Variants in CFAP299 observed in about 807,000 individuals in gnomAD.
The protein encoded by CFAP299 is cilia- and flagella-associated protein 299.
Under a neutral mutation model 27.0 loss-of-function variants are expected in CFAP299, and 21 were observed. The observed-to-expected ratio is 0.78, with a 90% CI of 0.55 to 1.12. CFAP299 has a LOEUF of 1.12. Ranked by LOEUF, CFAP299 falls within the 50% of genes most tolerant of loss-of-function variation. The pLI, the probability that CFAP299 is intolerant of heterozygous loss-of-function variation, is 0.00. For missense variants in CFAP299, 310 were observed against 276.6 expected, an observed-to-expected ratio of 1.12 and a Z score of -0.86; for synonymous variants, 104 against 98.1, an observed-to-expected ratio of 1.06 and a Z score of -0.36.
intron 3 of CFAP299, among the ~76,000 whole-genome samples, chr4:80,587,683 C>A (rs751735333): frequency 9.9e-5 from 15 of 152,110 alleles, no homozygotes; most frequent in Admixed American, 3.3e-4. Flanking sequence ...GCCAAGATCT[C>A]CTGGGCTCAA....
In CFAP299 at chr4:80,785,410, A is replaced by G. The variant is rs1406106438; in HGVS notation, c.334-84583A>G. 2.0e-5 allele frequency among the ~76,000 whole-genome samples: 3 copies of G among 152,120 alleles called. 1 individual carries two copies. Among genetic ancestry groups the G allele is most frequent in the South Asian group, 4.1e-4 (2 of 4,822 alleles). ...TGTTCTCTTAACCATCAAGTCTATAATTCTTCTTCCAGAGTATCTGTAGGG... is the reference window on the plus strand; with the variant it reads ...TGTTCTCTTAACCATCAAGTCTATAGTTCTTCTTCCAGAGTATCTGTAGGG... On this transcript the variant is annotated intron_variant, in intron 3 of 5. Transcript: ENST00000358105.
intron 2 of CFAP299, among the ~76,000 whole-genome samples, chr4:80,372,948 C>T (rs955707179): frequency 1.4e-4 from 22 of 152,176 alleles, no homozygotes; most frequent in Admixed American, 1.1e-3. Flanking sequence ...TATCTGAAGA[C>T]ACATTAGTCT....
At chr4:80,779,877 T>C (rs1164312649) in intron 3 of CFAP299, among the ~76,000 whole-genome samples, 1 of 152,026 alleles carries the variant, frequency 6.6e-6, no homozygotes, top group Non-Finnish European at 1.5e-5. Context: ...CAAAATTCAG[T>C]ATGTAAGAGA....
intron 4 of CFAP299, among the ~76,000 whole-genome samples, chr4:80,937,907 G>T (rs1287211124): frequency 6.6e-6 from 1 of 151,768 alleles, no homozygotes; most frequent in African/African-American, 2.4e-5. Context: ...CTGGTGTTTT[G>T]TTTTTTGTAT....
At chr4:80,934,481 G>A (rs1476032738) in intron 4 of CFAP299, among the ~76,000 whole-genome samples, 2 of 151,386 alleles carry the variant, frequency 1.3e-5, no homozygotes, top group South Asian at 4.2e-4. Flanking sequence ...AAAAGGATTG[G>A]TATTAATTTT....
intron 2 of CFAP299, among the ~76,000 whole-genome samples, chr4:80,407,091 G>A (rs57686880): frequency 0.19 from 28,857 of 151,780 alleles, 2,915 homozygotes; most frequent in South Asian, 0.29. Context: ...ATTAACTGGT[G>A]TTATCACTGA....
At chr4:80,743,261 C>T (rs1215853071) in intron 3 of CFAP299, among the ~76,000 whole-genome samples, 2 of 151,700 alleles carry the variant, frequency 1.3e-5, no homozygotes, top group African/African-American at 2.4e-5. Context: ...AAAAAAAGTA[C>T]TTGTTATTGC....
chr4:80,329,581 C>T, the CFAP299 span, among the ~76,000 whole-genome samples: 1 of 152,024 alleles, frequency 6.6e-6, no homozygotes, highest in Non-Finnish European at 1.5e-5. Context: ...GAATCTGTAG[C>T]CAAAGAATAT....
chr4:80,791,870 A>G (rs1265525343), intron 3 of CFAP299, among the ~76,000 whole-genome samples: 1 of 151,798 alleles, frequency 6.6e-6, no homozygotes, highest in African/African-American at 2.4e-5. Flanking sequence ...ATATATCTGT[A>G]TGTTTGAAAT....
chr4:80,529,704 C>A (rs1733371054), intron 2 of CFAP299, among the ~76,000 whole-genome samples: 1 of 151,712 alleles, frequency 6.6e-6, no homozygotes, highest in South Asian at 2.1e-4. Context: ...CTGAAGATTC[C>A]TTGCTCAGCT....
At chr4:80,883,708 T>C (rs1224191674) in intron 4 of CFAP299, among the ~76,000 whole-genome samples, 1 of 152,142 alleles carries the variant, frequency 6.6e-6, no homozygotes, top group East Asian at 1.9e-4. Context: ...AATAGAGTGA[T>C]ACAGAAGCGA....
At chr4:80,875,301 C>A (rs1286124887) in intron 4 of CFAP299, among the ~76,000 whole-genome samples, 1 of 152,158 alleles carries the variant, frequency 6.6e-6, no homozygotes, top group African/African-American at 2.4e-5. Context: ...AAAATTGTGT[C>A]AATGTTTCAG....
At chr4:80,800,603 T>C (rs1220106832) in intron 3 of CFAP299, among the ~76,000 whole-genome samples, 1 of 96,540 alleles carries the variant, frequency 1.0e-5, no homozygotes, top group East Asian at 2.6e-4. Context: ...TATATTAATA[T>C]AAATATATAA....
At chr4:80,640,023 G>A (rs1338751365) in intron 3 of CFAP299, among the ~76,000 whole-genome samples, 1 of 152,116 alleles carries the variant, frequency 6.6e-6, no homozygotes, top group African/African-American at 2.4e-5. Context: ...TGGTGAAAAA[G>A]TTCTGGAGAT....
At position 80,739,496 on chromosome 4, in the gene CFAP299, A is replaced by G. The variant is rs149157837; in HGVS notation, c.334-130497A>G. On this transcript the variant is annotated intron_variant, in intron 3 of 5. Coordinates refer to ENST00000358105, the MANE Select transcript of CFAP299 (RefSeq NM_152770.3). ...TTGTTTGTTTCGTTCATCATTTTAA[A>G]TATGTCATGCCACTTTCTCTTGGCC... Among the ~76,000 whole-genome samples, 768 of 152,132 alleles carry G rather than the reference A, an allele frequency of 5.0e-3. 4 individuals are homozygous for G. The highest frequency in any genetic ancestry group is 0.02 in the Middle Eastern group (6 of 294).
At chr4:80,419,472 A>C (rs942878358) in intron 2 of CFAP299, among the ~76,000 whole-genome samples, 1 of 152,142 alleles carries the variant, frequency 6.6e-6, no homozygotes, top group Non-Finnish European at 1.5e-5. Flanking sequence ...AAACTCTGCC[A>C]TTTTGCCTCC....
At chr4:80,336,634 G>C (rs1231501123) in intron 1 of CFAP299, 1 of 152,182 alleles carries the variant, frequency 6.6e-6, no homozygotes, top group Non-Finnish European at 1.5e-5. Context: ...ACCCGGACGC[G>C]CAGGAATTAA....
intron 3 of CFAP299, among the ~76,000 whole-genome samples, chr4:80,635,126 TTTA>T (rs1482074108): frequency 1.4e-4 from 21 of 152,126 alleles, no homozygotes; most frequent in Non-Finnish European, 3.1e-4. Context: ...GTAATATGGT[TTTA>T]TTAAGTTATA....
intron 3 of CFAP299, among the ~76,000 whole-genome samples, chr4:80,684,013 A>G (rs1407896979): frequency 1.3e-5 from 2 of 152,164 alleles, no homozygotes; most frequent in Non-Finnish European, 2.9e-5. Flanking sequence ...TCAATTCTGT[A>G]TATTTAAAAT....
Sources: allele counts gnomAD v4.1 joint callset (sites outside exome capture counted in the v4.1 genomes callset), GRCh38; gene constraint gnomAD v4.1.1; transcripts MANE v1.5; gene names NCBI Gene and HGNC (gene_info 2026-07-23, HGNC 2026-07-21).